Variants in PDSS2 observed in about 807,000 individuals in gnomAD.
PDSS2 encodes the protein all trans-polyprenyl-diphosphate synthase PDSS2.
PDSS2 carries 31 observed loss-of-function variants against 44.5 expected under a neutral mutation model. The ratio of observed to expected loss-of-function variants is 0.70; its 90% CI spans 0.52 to 0.94. The LOEUF (loss-of-function observed/expected upper bound fraction) is 0.94. PDSS2 is among the 40% of genes least tolerant of loss of function. PDSS2 has a pLI of 0.00. For synonymous variants in PDSS2, 157 were observed against 180.3 expected (o/e 0.87, Z 1.03); for missense variants, 452 against 482.2 (o/e 0.94, Z 0.59).
intron 1 of PDSS2, among the ~76,000 whole-genome samples, chr6:107,447,983 G>A (rs1395454395): frequency 1.3e-5 from 2 of 152,230 alleles, no homozygotes; most frequent in African/African-American, 2.4e-5. Context: ...AAGGCTTGGG[G>A]CTTGCACCCT....
At chr6:107,416,545 G>T (rs1055471279) in intron 1 of PDSS2, among the ~76,000 whole-genome samples, 1 of 152,140 alleles carries the variant, frequency 6.6e-6, no homozygotes, top group Non-Finnish European at 1.5e-5. Context: ...TCAATTATTT[G>T]CATGAACACA....
intron 2 of PDSS2, among the ~76,000 whole-genome samples, chr6:107,284,459 G>A (rs375394624): frequency 2.7e-4 from 41 of 152,104 alleles, no homozygotes; most frequent in African/African-American, 9.4e-4. Flanking sequence ...TCAGGAGTTC[G>A]AGACCAGCCT....
At chr6:107,312,768 A>G (rs1291200934) in intron 2 of PDSS2, among the ~76,000 whole-genome samples, 1 of 152,218 alleles carries the variant, frequency 6.6e-6, no homozygotes, top group Admixed American at 6.5e-5. Context: ...GGAGGATAAA[A>G]GAGGAAAGAG....
chr6:107,369,788 T>A (rs139216489), intron 1 of PDSS2, among the ~76,000 whole-genome samples: 3 of 151,946 alleles, frequency 2.0e-5, no homozygotes, highest in African/African-American at 7.2e-5. Flanking sequence ...AAGAATCACT[T>A]GAGCCCAGGA....
chr6:107,301,310 C>A (rs1776686538), intron 2 of PDSS2, among the ~76,000 whole-genome samples: 1 of 152,106 alleles, frequency 6.6e-6, no homozygotes, highest in African/African-American at 2.4e-5. Flanking sequence ...CCGGTGTGTG[C>A]AGTGTGATTT....
At chr6:107,371,185 TAAAA>T (rs35313213) in intron 1 of PDSS2, among the ~76,000 whole-genome samples, 2 of 148,808 alleles carry the variant, frequency 1.3e-5, no homozygotes, top group Admixed American at 6.7e-5. Flanking sequence ...TGTCTCAAAG[TAAAA>T]AAAAAAAAAA....
At chr6:107,205,269 G>A (rs549389076) in intron 6 of PDSS2, among the ~76,000 whole-genome samples, 1 of 152,328 alleles carries the variant, frequency 6.6e-6, no homozygotes, top group East Asian at 1.9e-4. Context: ...GTGTCAGAAT[G>A]TCACAAGCCC....
At chr6:107,227,852 G>A (rs1773887345) in intron 4 of PDSS2, among the ~76,000 whole-genome samples, 1 of 152,218 alleles carries the variant, frequency 6.6e-6, no homozygotes, top group Non-Finnish European at 1.5e-5. Flanking sequence ...AGTCTGAGAT[G>A]CCTGTGAGAA....
chr6:107,332,161 A>G (rs1421724597), intron 2 of PDSS2, among the ~76,000 whole-genome samples: 1 of 150,516 alleles, frequency 6.6e-6, no homozygotes, highest in Non-Finnish European at 1.5e-5. Flanking sequence ...TTGGAATGCA[A>G]TGGCGCAATC....
intron 2 of PDSS2, among the ~76,000 whole-genome samples, chr6:107,292,844 G>C (rs1472927335): frequency 2.0e-5 from 3 of 152,110 alleles, no homozygotes; most frequent in Non-Finnish European, 4.4e-5. Context: ...TCTGCCAGAG[G>C]AGCAGAGAGA....
rs561240319 is a variant in PDSS2, at chr6:107,308,299, C to G, written c.431+25899G>C. Reference sequence around the variant, plus strand: ...AGGTAAAAATGGAAAGAACTGTTAACCTAGATTATCTGATTATAATTATTA... The same window carrying G: ...AGGTAAAAATGGAAAGAACTGTTAAGCTAGATTATCTGATTATAATTATTA... On this transcript the variant is annotated intron_variant, in intron 2 of 7. Transcript: ENST00000369037. Among the ~76,000 whole-genome samples, 8 of 152,156 alleles carry G rather than the reference C, an allele frequency of 5.3e-5. No individual in the cohort carries two copies. In the East Asian group the frequency reaches 1.5e-3, roughly 29 times the overall value.
intron 1 of PDSS2, among the ~76,000 whole-genome samples, chr6:107,453,829 A>C (rs1190696157): frequency 1.3e-5 from 2 of 152,206 alleles, no homozygotes; most frequent in African/African-American, 4.8e-5. Context: ...AAAAAAACAA[A>C]TATTATATAA....
At chr6:107,212,358 A>C in intron 4 of PDSS2, 76 bp from the exon 5 acceptor site, 4 of 1,244,030 alleles carry the variant, frequency 3.2e-6, no homozygotes, top group Non-Finnish European at 4.5e-6. Flanking sequence ...AAGAATAAAA[A>C]AGTTAAGAAA....
At chr6:107,225,137 T>TATATATATA (rs1446558243) in intron 4 of PDSS2, among the ~76,000 whole-genome samples, 1 of 62,392 alleles carries the variant, frequency 1.6e-5, no homozygotes, top group Non-Finnish European at 2.6e-5. Flanking sequence ...ATATATATTT[T>TATATATATA]TATATATATA....
intron 1 of PDSS2, among the ~76,000 whole-genome samples, chr6:107,370,679 T>G (rs1235268348): frequency 1.3e-5 from 2 of 152,224 alleles, no homozygotes; most frequent in Non-Finnish European, 2.9e-5. Flanking sequence ...AATTTTATTC[T>G]TTTCCCATTT....
At chr6:107,364,142 T>A (rs1778880636) in intron 1 of PDSS2, among the ~76,000 whole-genome samples, 1 of 152,246 alleles carries the variant, frequency 6.6e-6, no homozygotes, top group Non-Finnish European at 1.5e-5. Context: ...ATAAAGACTC[T>A]CCACGTCCCC....
In PDSS2 at chr6:107,153,086, C is replaced by T. The variant is rs1162630292; in HGVS notation, c.*1533G>A. ...TCTTCATTGCATGCCACATGTTGGG[C>T]CCTGATAAAATGGTTTTATAACTTT... On this transcript the variant is annotated 3_prime_UTR_variant, in exon 8 of 8. Transcript: ENST00000369037. 1.3e-5 allele frequency: 2 copies of T among 152,492 alleles called. No homozygotes were observed. The highest frequency in any genetic ancestry group is 6.6e-5 in the Admixed American group (1 of 15,244). 9.4% of individuals were successfully genotyped at this position (152,492 alleles called of 1,614,324 possible). A position where few individuals can be genotyped will look rare whatever the true frequency, so the allele number is the denominator to read the frequency against.
At chr6:107,213,988 A>AT (rs1479779171) in intron 4 of PDSS2, among the ~76,000 whole-genome samples, 10 of 152,212 alleles carry the variant, frequency 6.6e-5, no homozygotes, top group Non-Finnish European at 1.5e-4. Flanking sequence ...TAGTGGCTAT[A>AT]TAAAAAAAAG....
intron 1 of PDSS2, among the ~76,000 whole-genome samples, chr6:107,458,425 AAAAAAAAC>A (rs1329449468): frequency 7.2e-6 from 1 of 139,426 alleles, no homozygotes; most frequent in East Asian, 2.2e-4. Flanking sequence ...AAAAAAAAAA[AAAAAAAAC>A]TTTTATAAAT....
Sources: gnomAD v4.1 joint callset for allele counts (sites outside exome capture counted in the v4.1 genomes callset) on GRCh38, gnomAD v4.1.1 for gene constraint, MANE v1.5 for transcripts, NCBI Gene and HGNC (gene_info 2026-07-23, HGNC 2026-07-21) for gene names.